ATP8A2: variants seen among roughly 807,000 people sequenced by gnomAD.
ATP8A2 encodes ATPase phospholipid transporting 8A2.
A neutral mutation model predicts 165.6 loss-of-function variants in ATP8A2; 100 were observed. The observed-to-expected ratio is 0.60, with a 90% CI of 0.51 to 0.71. ATP8A2 has a LOEUF of 0.71. ATP8A2 is among the 30% of genes least tolerant of loss of function. The pLI is 0.00. For synonymous variants in ATP8A2, 543 were observed against 548.8 expected, an observed-to-expected ratio of 0.99 and a Z score of 0.15; for missense variants, 1,227 against 1,479.5, an observed-to-expected ratio of 0.83 and a Z score of 2.80.
chr13:25,743,476 A>G (rs1025652346), intron 25 of ATP8A2, among the ~76,000 whole-genome samples: 3 of 152,222 alleles, frequency 2.0e-5, no homozygotes, highest in Admixed American at 6.5e-5. Flanking sequence ...GCAGAATTCT[A>G]TCAGAGTGGT....
rs9581345 is a variant in ATP8A2 at position 25,438,988 on chromosome 13, G to C, written c.77-29989G>C. Reference sequence around the variant, plus strand: ...CTTTAAGAATTCAAAGTGGAAAGGAGGCATGATCCCTCACGAGAATTAGTG... The same window carrying C: ...CTTTAAGAATTCAAAGTGGAAAGGACGCATGATCCCTCACGAGAATTAGTG... On this transcript the variant is annotated intron_variant, in intron 1 of 36. Transcript: ENST00000381655. Among the ~76,000 whole-genome samples the C allele has an allele frequency of 4.7e-3, 721 of 152,306 alleles. 2 individuals are homozygous for C. The highest frequency in any genetic ancestry group is 9.2e-3 in the African/African-American group (382 of 41,568).
chr13:25,422,634 CAGAG>C (rs1215146928), intron 1 of ATP8A2, among the ~76,000 whole-genome samples: 1 of 152,146 alleles, frequency 6.6e-6, no homozygotes, highest in Non-Finnish European at 1.5e-5. Context: ...ATAACACACA[CAGAG>C]AGGCTCTTTA....
chr13:25,838,440 C>G (rs973226305), intron 29 of ATP8A2, among the ~76,000 whole-genome samples: 2 of 152,168 alleles, frequency 1.3e-5, no homozygotes, highest in Admixed American at 6.5e-5. Context: ...AAATATGACC[C>G]ATTTTCACTG....
chr13:25,494,007 C>T (rs549860881), intron 2 of ATP8A2, among the ~76,000 whole-genome samples: 36 of 152,122 alleles, frequency 2.4e-4, no homozygotes, highest in African/African-American at 8.4e-4. Flanking sequence ...CACGTCCACT[C>T]TAAAGCTTCA....
chr13:25,881,030 A>G, intron 33 of ATP8A2: 1 of 416,970 alleles, frequency 2.4e-6, no homozygotes. Context: ...GGTTAAGGAT[A>G]TTTATTGCTG....
chr13:25,747,195 C>T (rs1217003211), intron 25 of ATP8A2, among the ~76,000 whole-genome samples: 1 of 152,192 alleles, frequency 6.6e-6, no homozygotes, highest in African/African-American at 2.4e-5. Flanking sequence ...TTAGGTCTAC[C>T]TTAGCTACAA....
intron 2 of ATP8A2, among the ~76,000 whole-genome samples, chr13:25,517,544 T>A (rs1263866053): frequency 6.6e-6 from 1 of 152,208 alleles, no homozygotes; most frequent in Admixed American, 6.5e-5. Flanking sequence ...ATAGGAATTA[T>A]AGGTAGACTC....
chr13:25,512,666 T>A (rs58866430), intron 2 of ATP8A2, among the ~76,000 whole-genome samples: 2 of 130,894 alleles, frequency 1.5e-5, no homozygotes, highest in Non-Finnish European at 1.6e-5. Context: ...CCGGACGGGG[T>A]GGCTGGCCGG....
intron 27 of ATP8A2, among the ~76,000 whole-genome samples, chr13:25,797,782 A>T (rs1460066720): frequency 6.6e-6 from 1 of 152,164 alleles, no homozygotes; most frequent in African/African-American, 2.4e-5. Flanking sequence ...ATTACTCATA[A>T]TGGCACTTTT....
chr13:25,654,844 G>A (rs76820228), intron 24 of ATP8A2, among the ~76,000 whole-genome samples: 4,474 of 152,264 alleles, frequency 0.029, 123 homozygotes, highest in East Asian at 0.13. Context: ...TTTTGATGCT[G>A]CTGTGATCCT....
intron 25 of ATP8A2, among the ~76,000 whole-genome samples, chr13:25,727,714 A>G (rs1483162980): frequency 6.6e-6 from 1 of 152,248 alleles, no homozygotes; most frequent in Non-Finnish European, 1.5e-5. Flanking sequence ...ATTAACTTTT[A>G]TAGAGAAAAT....
In ATP8A2 at chr13:25,837,060, G is replaced by A. The variant is rs1426191334; in HGVS notation, c.2755-103G>A. 34 of 1,441,972 alleles carry A rather than the reference G, an allele frequency of 2.4e-5. 1 individual carries two copies. The South Asian group carries it at 4.2e-4, about 18-fold the overall frequency. 89.3% of individuals were successfully genotyped at this position (1,441,972 alleles called of 1,614,324 possible). ...GGATCTGTGAATCATGGAGTCTCAG[G>A]TTTGGACTTGACTGGAAGTGAAGTC... On this transcript the variant is annotated intron_variant, in intron 28 of 36. Coordinates refer to ENST00000381655, the MANE Select transcript of ATP8A2 (RefSeq NM_016529.6).
chr13:25,480,516 C>A (rs564841218), intron 2 of ATP8A2, among the ~76,000 whole-genome samples: 1 of 143,458 alleles, frequency 7.0e-6, no homozygotes, highest in Non-Finnish European at 1.5e-5. Flanking sequence ...ACATCCCAGA[C>A]GGGGCGGCGG....
intron 1 of ATP8A2, among the ~76,000 whole-genome samples, chr13:25,376,321 T>G (rs2032624757): frequency 6.6e-6 from 1 of 152,230 alleles, no homozygotes; most frequent in Non-Finnish European, 1.5e-5. Context: ...CTGCTTCCAT[T>G]TCCTATACTA....
At chr13:25,655,979 A>G (rs2041918975) in intron 24 of ATP8A2, among the ~76,000 whole-genome samples, 1 of 152,190 alleles carries the variant, frequency 6.6e-6, no homozygotes, top group African/African-American at 2.4e-5. Context: ...CTTTCCAAAT[A>G]CAACTGCACT....
chr13:25,459,743 C>T (rs1270937584), intron 1 of ATP8A2, among the ~76,000 whole-genome samples: 1 of 152,122 alleles, frequency 6.6e-6, no homozygotes, highest in Non-Finnish European at 1.5e-5. Context: ...TACCAGGTCT[C>T]TGGAGAAGGA....
intron 25 of ATP8A2, among the ~76,000 whole-genome samples, chr13:25,751,237 A>G (rs542753303): frequency 3.3e-4 from 50 of 152,340 alleles, no homozygotes; most frequent in African/African-American, 1.1e-3. Flanking sequence ...CAGCTCTGCT[A>G]CAGTGCCTAC....
intron 2 of ATP8A2, among the ~76,000 whole-genome samples, chr13:25,502,231 A>G (rs905739150): frequency 7.2e-5 from 11 of 152,216 alleles, no homozygotes; most frequent in Admixed American, 5.2e-4. Flanking sequence ...GATTCAGGCA[A>G]TTAGGAGGTG....
intron 27 of ATP8A2, among the ~76,000 whole-genome samples, chr13:25,810,305 G>A (rs902630270): frequency 1.3e-5 from 2 of 152,252 alleles, no homozygotes; most frequent in Admixed American, 1.3e-4. Flanking sequence ...TGCTGATCTC[G>A]CTATAGGCCC....
Sources: allele counts gnomAD v4.1 joint callset (sites outside exome capture counted in the v4.1 genomes callset), GRCh38; gene constraint gnomAD v4.1.1; transcripts MANE v1.5; gene names NCBI Gene and HGNC (gene_info 2026-07-23, HGNC 2026-07-21).